Variants in BRD4 observed in about 807,000 individuals in gnomAD.
The protein encoded by BRD4 is bromodomain containing 4.
Under a neutral mutation model 142.1 loss-of-function variants are expected in BRD4, and 16 were observed. The ratio of observed to expected loss-of-function variants is 0.11; its 90% CI spans 0.08 to 0.17. BRD4 has a LOEUF of 0.17. BRD4 is among the 10% of genes least tolerant of loss of function. The pLI is 1.00. For missense variants in BRD4, 1,424 were observed against 1,810.9 expected (o/e 0.79, Z 3.88); for synonymous variants, 833 against 707.5 (o/e 1.18, Z -2.82).
intron 1 of BRD4, among the ~76,000 whole-genome samples, chr19:15,315,431 C>T (rs1301685991): frequency 6.6e-6 from 1 of 152,024 alleles, no homozygotes; most frequent in Non-Finnish European, 1.5e-5. Context: ...ACGCATTGGA[C>T]ATGGATGTTG....
At chr19:15,243,946 GC>G (rs1478775072) in intron 13 of BRD4, among the ~76,000 whole-genome samples, 1 of 152,190 alleles carries the variant, frequency 6.6e-6, no homozygotes, top group East Asian at 1.9e-4. Context: ...ATGACGCCTG[GC>G]CCAGCAGCAG....
At chr19:15,258,014 C>T (rs1483941815) in intron 7 of BRD4, among the ~76,000 whole-genome samples, 3 of 152,310 alleles carry the variant, frequency 2.0e-5, no homozygotes, top group South Asian at 2.1e-4. Flanking sequence ...TGCCCTACCC[C>T]GGGGGCGCTG....
chr19:15,238,619 C>T lies in BRD4; in HGVS notation c.4020+124G>A. 6.8e-7 allele frequency: 1 copy of T among 1,461,668 alleles called. No homozygotes were observed. Among genetic ancestry groups the T allele is most frequent in the Non-Finnish European group, 9.1e-7 (1 of 1,103,608 alleles). 90.5% of individuals were successfully genotyped at this position (1,461,668 alleles called of 1,614,324 possible). On this transcript the variant is annotated intron_variant, in intron 19 of 19. Coordinates refer to ENST00000679869, the MANE Select transcript of BRD4 (RefSeq NM_001379291.1). The surrounding 1 kb of genome is among the most constrained non-coding windows in gnomAD (Gnocchi z 7.2). ...CCCTACAGCTGAGTCCAGAGGACCA[C>T]ATGCCGACCAGCAGGGACGGGGCTC...
rs774637350 is a variant in BRD4 at position 15,244,589 on chromosome 19, GTGA to G, written c.2220_2222del (p.His743del). Reference sequence around the variant, plus strand: ...GGGCCTGCTGCATCTGCTGATGGTGGTGATGATGGTGCTGCAGACAGAGAGACA... The same window carrying G: ...GGGCCTGCTGCATCTGCTGATGGTGGTGATGGTGCTGCAGACAGAGAGACA... On this transcript the variant is annotated inframe_deletion, in exon 13 of 20. Coordinates refer to ENST00000679869, the MANE Select transcript of BRD4 (RefSeq NM_001379291.1). The G allele has an allele frequency of 7.3e-5, 117 of 1,611,140 alleles. No individual in the cohort carries two copies. The Admixed American group carries it at 1.9e-3, about 27-fold the overall frequency.
intron 1 of BRD4, among the ~76,000 whole-genome samples, chr19:15,318,400 G>T (rs535013981): frequency 3.3e-5 from 5 of 152,096 alleles, no homozygotes; most frequent in Admixed American, 6.5e-5. Flanking sequence ...AATTATTCAA[G>T]TTTATGGTAT....
chr19:15,317,104 G>T (rs1325751927), intron 1 of BRD4, among the ~76,000 whole-genome samples: 2 of 152,134 alleles, frequency 1.3e-5, no homozygotes, highest in African/African-American at 4.8e-5. Flanking sequence ...AAGAGCTAGT[G>T]GGCTCTGGAC....
At position 15,237,256 on chromosome 19, in the gene BRD4, G is replaced by A. The variant is rs1483902986; in HGVS notation, c.*1121C>T. 1.8e-5 allele frequency: 2 copies of A among 112,076 alleles called. No individual in the cohort carries two copies. Among genetic ancestry groups the A allele is most frequent in the Non-Finnish European group, 3.4e-5 (2 of 58,108 alleles). The allele number at this position is 112,076 out of a possible 1,614,324, so 6.9% of individuals were successfully genotyped here. A position where few individuals can be genotyped will look rare whatever the true frequency, so the allele number is the denominator to read the frequency against. ...AGCCAACAAATGGGTGGGGGGGGGG[G>A]GGGTGGAGGGGAAAGAAAAGAAATT... On this transcript the variant is annotated 3_prime_UTR_variant, in exon 20 of 20. Coordinates refer to ENST00000679869, the MANE Select transcript of BRD4 (RefSeq NM_001379291.1).
chr19:15,238,905 C>T lies in BRD4; in HGVS notation c.3858G>A (p.Gln1286=), dbSNP rs112476530. Residue 1286 remains glutamine, a synonymous_variant, in exon 19 of 20, where the codon CAG becomes CAA. Coordinates refer to ENST00000679869, the MANE Select transcript of BRD4 (RefSeq NM_001379291.1). The surrounding 1 kb of genome is among the most constrained non-coding windows in gnomAD (Gnocchi z 7.2). ...HEEARRRQEQ[Q]QQQRQEQQQQ... Reference sequence around the variant, plus strand: ...GCTGTTGCTCCTGGCGCTGCTGCTGCTGCTGCTCCTGGCGCCGACGTGCCT... The same window carrying T: ...GCTGTTGCTCCTGGCGCTGCTGCTGTTGCTGCTCCTGGCGCCGACGTGCCT... 9.4e-6 allele frequency: 15 copies of T among 1,595,962 alleles called. No homozygotes were observed. The highest frequency in any genetic ancestry group is 6.8e-5 in the East Asian group (3 of 43,948).
At chr19:15,330,848 A>G (rs2048150602) in intron 1 of BRD4, among the ~76,000 whole-genome samples, 1 of 152,166 alleles carries the variant, frequency 6.6e-6, no homozygotes, top group African/African-American at 2.4e-5. Flanking sequence ...ACATTCATAA[A>G]TCCTTTTGAG....
chr19:15,300,573 A>C (rs10411512), intron 1 of BRD4, among the ~76,000 whole-genome samples: 32,388 of 151,776 alleles, frequency 0.21, 3,822 homozygotes, highest in African/African-American at 0.31. Flanking sequence ...CAAAAACAAA[A>C]AATCAAACAA....
intron 1 of BRD4, among the ~76,000 whole-genome samples, chr19:15,297,900 C>T (rs1418362171): frequency 6.6e-6 from 1 of 152,206 alleles, no homozygotes; most frequent in Non-Finnish European, 1.5e-5. Context: ...GTGCTGCCTA[C>T]ATGTGTGCCC....
At chr19:15,256,299 T>G (rs2047408063) in intron 8 of BRD4, 36 bp from the exon 9 acceptor site, 1 of 1,590,174 alleles carries the variant, frequency 6.3e-7, no homozygotes, top group Admixed American at 1.8e-5. Context: ...CACTCAGGGC[T>G]GAAACCACCT....
At chr19:15,325,800 A>C (rs1599533651) in intron 1 of BRD4, among the ~76,000 whole-genome samples, 1 of 151,912 alleles carries the variant, frequency 6.6e-6, no homozygotes, top group African/African-American at 2.4e-5. Flanking sequence ...GGAGTTCCAG[A>C]CCAGCCTGAC....
At chr19:15,298,595 T>C (rs1370001153) in intron 1 of BRD4, among the ~76,000 whole-genome samples, 1 of 123,948 alleles carries the variant, frequency 8.1e-6, no homozygotes, top group Non-Finnish European at 1.6e-5. Context: ...CACTCCAGCC[T>C]GGGCAACAGG....
At chr19:15,323,173 C>T (rs1385219488) in intron 1 of BRD4, among the ~76,000 whole-genome samples, 1 of 89,026 alleles carries the variant, frequency 1.1e-5, no homozygotes, top group Non-Finnish European at 1.9e-5. Context: ...AAGACTCCAT[C>T]TCTTTAAAAA....
chr19:15,237,863 G>A lies in BRD4; in HGVS notation c.*514C>T, dbSNP rs201442549. 14 of 237,914 alleles carry A rather than the reference G, an allele frequency of 5.9e-5. No homozygotes were observed. Among genetic ancestry groups the A allele is most frequent in the Non-Finnish European group, 1.2e-4 (14 of 121,342 alleles). The allele number at this position is 237,914 out of a possible 1,614,324, so 14.7% of individuals were successfully genotyped here. A position where few individuals can be genotyped will look rare whatever the true frequency, so the allele number is the denominator to read the frequency against. The stretch of plus-strand genomic sequence containing the variant: ...GGGGTCTGTTCAAGGCAAAGTCAGT[G>A]CCAGCGAGGGGGTGGGCCGGCCTCG... On this transcript the variant is annotated 3_prime_UTR_variant, in exon 20 of 20. Transcript: ENST00000679869.
At chr19:15,325,039 A>T (rs2048095350) in intron 1 of BRD4, among the ~76,000 whole-genome samples, 1 of 152,168 alleles carries the variant, frequency 6.6e-6, no homozygotes, top group Non-Finnish European at 1.5e-5. Flanking sequence ...GGCTGTCAGC[A>T]GCTCTACTCT....
chr19:15,263,993 A>C (rs2047502929), intron 6 of BRD4: 1 of 230,850 alleles, frequency 4.3e-6, no homozygotes, highest in East Asian at 9.1e-5. Flanking sequence ...ACTATGGTGA[A>C]AATGTCGGCA....
chr19:15,327,506 T>C (rs1017320197), intron 1 of BRD4, among the ~76,000 whole-genome samples: 3 of 151,504 alleles, frequency 2.0e-5, no homozygotes, highest in African/African-American at 7.3e-5. Flanking sequence ...ATCGTGCCAC[T>C]GCACTCCAGC....
Sources: gnomAD v4.1 joint callset for allele counts (sites outside exome capture counted in the v4.1 genomes callset) on GRCh38, gnomAD v4.1.1 for gene constraint, Gnocchi (gnomAD v3.1) non-coding constraint, MANE v1.5 for transcripts, NCBI Gene and HGNC (gene_info 2026-07-23, HGNC 2026-07-21) for gene names.